FARS2: variants seen among roughly 807,000 people sequenced by gnomAD.
The protein encoded by FARS2 is phenylalanyl-tRNA synthetase 2, mitochondrial.
A neutral mutation model predicts 46.4 loss-of-function variants in FARS2; 40 were observed. The observed-to-expected ratio is 0.86, with a 90% CI of 0.67 to 1.12. The LOEUF (loss-of-function observed/expected upper bound fraction) is 1.12. Ranked by LOEUF, FARS2 falls within the 50% of genes most tolerant of loss-of-function variation. The pLI is 0.00. For synonymous variants in FARS2, 234 were observed against 214.9 expected, an observed-to-expected ratio of 1.09 and a Z score of -0.78; for missense variants, 513 against 567.9, an observed-to-expected ratio of 0.90 and a Z score of 0.98.
At chr6:5,300,375 T>C (rs185755774) in intron 1 of FARS2, among the ~76,000 whole-genome samples, 99 of 152,356 alleles carry the variant, frequency 6.5e-4, no homozygotes, top group Non-Finnish European at 1.0e-3. Context: ...TAGTGGAAAT[T>C]CTTCCTGACC....
At chr6:5,532,783 T>TCATAAG (rs1554105851) in intron 4 of FARS2, among the ~76,000 whole-genome samples, 3 of 138,668 alleles carry the variant, frequency 2.2e-5, no homozygotes, top group Non-Finnish European at 4.5e-5. Context: ...ATAATAATAA[T>TCATAAG]AAGAAGAAGA....
intron 1 of FARS2, among the ~76,000 whole-genome samples, chr6:5,262,942 T>C (rs978683513): frequency 7.9e-5 from 12 of 152,352 alleles, no homozygotes; most frequent in Admixed American, 5.2e-4. Context: ...CAATTGCACA[T>C]TGTTATAGAG....
At chr6:5,301,195 C>T (rs1278735296) in intron 1 of FARS2, among the ~76,000 whole-genome samples, 1 of 152,050 alleles carries the variant, frequency 6.6e-6, no homozygotes, top group East Asian at 1.9e-4. Context: ...GGTTAGTTAC[C>T]TATGTCACTA....
intron 6 of FARS2, among the ~76,000 whole-genome samples, chr6:5,726,179 T>A (rs192261860): frequency 9.2e-5 from 14 of 152,272 alleles, no homozygotes; most frequent in Admixed American, 7.2e-4. Context: ...TCTTTTTTTT[T>A]TTAATCCTCA....
chr6:5,563,669 A>T (rs1319563144), intron 5 of FARS2, among the ~76,000 whole-genome samples: 2 of 152,080 alleles, frequency 1.3e-5, no homozygotes. Context: ...GAAGAATGGC[A>T]TGTCCATGTG....
intron 6 of FARS2, among the ~76,000 whole-genome samples, chr6:5,639,722 C>T (rs1227853336): frequency 6.7e-6 from 1 of 149,744 alleles, no homozygotes; most frequent in Non-Finnish European, 1.5e-5. Context: ...AGTGTAAGCG[C>T]TTGAAAAGTG....
chr6:5,405,256 G>A (rs1050129587), intron 3 of FARS2, among the ~76,000 whole-genome samples: 7 of 152,098 alleles, frequency 4.6e-5, no homozygotes, highest in Non-Finnish European at 1.0e-4. Context: ...TTTTGACTGC[G>A]ATTTGACTGA....
intron 6 of FARS2, among the ~76,000 whole-genome samples, chr6:5,688,640 A>T (rs1340422485): frequency 1.3e-5 from 2 of 152,120 alleles, no homozygotes; most frequent in Admixed American, 1.3e-4. Context: ...GATGTTCATG[A>T]GGGATATTGG....
intron 1 of FARS2, among the ~76,000 whole-genome samples, chr6:5,289,800 G>T (rs1767377755): frequency 1.3e-5 from 2 of 152,236 alleles, no homozygotes; most frequent in African/African-American, 4.8e-5. Flanking sequence ...GAGAAGAGCA[G>T]GGAGGAGTAG....
chr6:5,423,224 T>C (rs1445910674), intron 3 of FARS2, among the ~76,000 whole-genome samples: 1 of 152,092 alleles, frequency 6.6e-6, no homozygotes, highest in Non-Finnish European at 1.5e-5. Flanking sequence ...GCTGTGGCTC[T>C]GCCTGAGGCC....
chr6:5,472,210 G>T (rs139320712), intron 4 of FARS2, among the ~76,000 whole-genome samples: 1 of 152,160 alleles, frequency 6.6e-6, no homozygotes, highest in East Asian at 1.9e-4. Flanking sequence ...CCTGTGGGCC[G>T]CATGTCACTG....
chr6:5,487,639 C>T (rs1766855034), intron 4 of FARS2, among the ~76,000 whole-genome samples: 1 of 152,170 alleles, frequency 6.6e-6, no homozygotes, highest in Admixed American at 6.5e-5. Flanking sequence ...GGTCTGAGGG[C>T]AGATTCTGTG....
upstream of FARS2, chr6:5,260,800 A>T: frequency 1.3e-6 from 2 of 1,531,002 alleles, no homozygotes; most frequent in Admixed American, 4.0e-5. Flanking sequence ...AACCCACGAA[A>T]CTCCAGCCTG....
At chr6:5,721,720 T>C (rs1341428265) in intron 6 of FARS2, among the ~76,000 whole-genome samples, 2 of 152,244 alleles carry the variant, frequency 1.3e-5, no homozygotes, top group Non-Finnish European at 2.9e-5. Context: ...GTTGACAATT[T>C]TCCAAATTTG....
At chr6:5,434,827 G>T (rs1763429541) in intron 4 of FARS2, among the ~76,000 whole-genome samples, 1 of 151,876 alleles carries the variant, frequency 6.6e-6, no homozygotes, top group East Asian at 1.9e-4. Flanking sequence ...TTTTAAAAGA[G>T]AACTTCCAAG....
chr6:5,546,963 T>G (rs1396499857), intron 5 of FARS2, among the ~76,000 whole-genome samples: 1 of 152,158 alleles, frequency 6.6e-6, no homozygotes, highest in Middle Eastern at 3.4e-3. Context: ...TTTTATTTAT[T>G]TATTTTGAGA....
chr6:5,379,623 G>A (rs2432751), intron 2 of FARS2, among the ~76,000 whole-genome samples: 6,175 of 152,128 alleles, frequency 0.041, 412 homozygotes, highest in African/African-American at 0.14. Context: ...TGATATCCAC[G>A]CTCTGGAATG....
At chr6:5,553,615 A>G (rs779233769) in intron 5 of FARS2, among the ~76,000 whole-genome samples, 2 of 152,196 alleles carry the variant, frequency 1.3e-5, no homozygotes, top group African/African-American at 2.4e-5. Context: ...TAACAAATCT[A>G]AAAATCAGTA....
intron 4 of FARS2, among the ~76,000 whole-genome samples, chr6:5,458,708 A>G (rs1765057366): frequency 1.3e-5 from 2 of 152,128 alleles, no homozygotes; most frequent in Admixed American, 6.5e-5. Flanking sequence ...TCTGTTTCTT[A>G]TTCCTAAGAA....
Sources: gnomAD v4.1 joint callset for allele counts (sites outside exome capture counted in the v4.1 genomes callset) on GRCh38, gnomAD v4.1.1 for gene constraint, MANE v1.5 for transcripts, NCBI Gene and HGNC (gene_info 2026-07-23, HGNC 2026-07-21) for gene names.